ACAN: variants seen among roughly 807,000 people sequenced by gnomAD.
The protein encoded by ACAN is aggrecan, also known as aggrecan core protein.
Under a neutral mutation model 169.1 loss-of-function variants are expected in ACAN, and 47 were observed. The observed-to-expected ratio is 0.28, with a 90% CI of 0.22 to 0.35. The LOEUF (loss-of-function observed/expected upper bound fraction) is 0.35, where lower values mean the gene tolerates loss of function less well. ACAN is among the 10% of genes least tolerant of loss of function. ACAN has a pLI of 1.00. For missense variants in ACAN, 2,716 were observed against 2,759.9 expected, an observed-to-expected ratio of 0.98 and a Z score of 0.36; for synonymous variants, 1,115 against 1,112.2, an observed-to-expected ratio of 1.00 and a Z score of -0.05.
In ACAN at chr15:88,838,902, G is replaced by T. The variant is rs1596130863; in HGVS notation, c.310G>T (p.Val104Phe). The change falls in exon 3 of 19, where the codon GTC (valine) becomes TTC (phenylalanine). Residue 104 changes from valine (V) to phenylalanine (F), a missense_variant. Physicochemically the swap from Val to Phe is conservative, Grantham distance 50. Coordinates refer to ENST00000560601, the MANE Select transcript of ACAN (RefSeq NM_001369268.1). The surrounding 1 kb of genome is among the most constrained non-coding windows in gnomAD (Gnocchi z 5.1). ...VRVNSAYQDK[V>F]SLPNYPAIPS... ...GGTCAACAGTGCCTATCAGGACAAG[G>T]TCTCACTGCCCAACTACCCGGCCAT... 3.1e-6 allele frequency: 5 copies of T among 1,614,054 alleles called. No homozygotes were observed. Among genetic ancestry groups the T allele is most frequent in the Non-Finnish European group, 4.2e-6 (5 of 1,179,904 alleles).
rs1897274396 is a variant in ACAN at position 88,866,001 on chromosome 15, G to C, written c.6947-2215G>C. 6.6e-6 allele frequency among the ~76,000 whole-genome samples: 1 copy of C among 151,982 alleles called. No individual in the cohort carries two copies. The highest frequency in any genetic ancestry group is 1.5e-5 in the Non-Finnish European group (1 of 67,990). Reference sequence around the variant, plus strand: ...CTTTCCCTCCTCATCTGTAAATCCAGGGCCGTGAAAAAAAAAATTCTGAGC... The same window carrying C: ...CTTTCCCTCCTCATCTGTAAATCCACGGCCGTGAAAAAAAAAATTCTGAGC... On this transcript the variant is annotated intron_variant, in intron 13 of 18. Transcript: ENST00000560601. The surrounding 1 kb of genome is among the most constrained non-coding windows in gnomAD (Gnocchi z 5.6).
chr15:88,836,177 C>A, intron 1 of ACAN, 23 bp from the exon 2 acceptor site: 1 of 1,585,012 alleles, frequency 6.3e-7, no homozygotes, highest in Non-Finnish European at 8.7e-7. Context: ...GTCTAAATAA[C>A]GCCTCTGCCT....
chr15:88,821,778 A>G (rs1416468794), intron 1 of ACAN, among the ~76,000 whole-genome samples: 1 of 152,154 alleles, frequency 6.6e-6, no homozygotes, highest in African/African-American at 2.4e-5. Flanking sequence ...TACTGACCTC[A>G]TGGATCAGGG....
chr15:88,818,386 G>A (rs550847342), intron 1 of ACAN, among the ~76,000 whole-genome samples: 93 of 152,312 alleles, frequency 6.1e-4, no homozygotes, highest in Middle Eastern at 3.4e-3. Context: ...GTGTGCCATT[G>A]GGAGAAAGAA....
At position 88,847,415 on chromosome 15, in the gene ACAN, C is replaced by T; in HGVS notation, c.1602C>T (p.Val534=). ...CDAGWLRDQT[V]RYPIVSPRTP... ...CCGGCTGGCTGCGGGACCAGACCGT[C>T]AGGTGAAGCCATGCTCCTCGCCCAG... The change falls in exon 8 of 19, where the codon GTC becomes GTT. Residue 534 remains valine, a splice_region_variant and synonymous_variant. Transcript: ENST00000560601. 6.4e-7 allele frequency: 1 copy of T among 1,569,030 alleles called. No homozygotes were observed. The highest frequency in any genetic ancestry group is 1.2e-5 in the South Asian group (1 of 85,846).
At chr15:88,847,169 C>T (rs1896810460) in intron 7 of ACAN, 74 bp from the exon 8 acceptor site, 1 of 1,420,326 alleles carries the variant, frequency 7.0e-7, no homozygotes, top group Admixed American at 2.3e-5. Flanking sequence ...GTTGGCCCCC[C>T]TCTGTGCCCA....
intron 1 of ACAN, among the ~76,000 whole-genome samples, chr15:88,829,977 A>G (rs1459028543): frequency 6.6e-6 from 1 of 152,150 alleles, no homozygotes; most frequent in Non-Finnish European, 1.5e-5. Flanking sequence ...AGTGTGTAGA[A>G]AGTCATAGCT....
intron 1 of ACAN, among the ~76,000 whole-genome samples, chr15:88,826,497 G>A (rs1326218841): frequency 6.6e-6 from 1 of 151,454 alleles, no homozygotes; most frequent in Admixed American, 6.6e-5. Context: ...GGGAAAGCCA[G>A]GACTCAGAGC....
chr15:88,869,880 G>C lies in ACAN; in HGVS notation c.7061-1502G>C, dbSNP rs550639837. Among the ~76,000 whole-genome samples the C allele has an allele frequency of 6.6e-6, 1 of 152,170 alleles. No homozygotes were observed. Among genetic ancestry groups the C allele is most frequent in the Non-Finnish European group, 1.5e-5 (1 of 68,016 alleles). On this transcript the variant is annotated intron_variant, in intron 14 of 18. Coordinates refer to ENST00000560601, the MANE Select transcript of ACAN (RefSeq NM_001369268.1). This position sits in a 1 kb window ranked among gnomAD's most constrained non-coding sequence, Gnocchi z 4.2. ...TGTTTCTGTTTCCTAAGAATCTTCAGCCTGCACAGCCCTGCCCTCCCATAC... is the reference window on the plus strand; with the variant it reads ...TGTTTCTGTTTCCTAAGAATCTTCACCCTGCACAGCCCTGCCCTCCCATAC...
rs1414689813 is a variant in ACAN, at chr15:88,859,085, T to C, written c.6500T>C (p.Val2167Ala). Reference protein sequence around the residue: ...QEGEASAAPEVSGESTTTSDV... With the variant: ...QEGEASAAPEASGESTTTSDV... ...GGCGAGGCGTCCGCTGCCCCAGAAGTGAGTGGAGAATCCACCACCACCAGT... is the reference window on the plus strand; with the variant it reads ...GGCGAGGCGTCCGCTGCCCCAGAAGCGAGTGGAGAATCCACCACCACCAGT... The change falls in exon 12 of 19, where the codon GTG becomes GCG. Residue 2167 changes from valine to alanine, a missense_variant. Physicochemically the swap from Val to Ala is moderately conservative, Grantham distance 64. Coordinates refer to ENST00000560601, the MANE Select transcript of ACAN (RefSeq NM_001369268.1). 6.2e-7 allele frequency: 1 copy of C among 1,613,760 alleles called. No individual in the cohort carries two copies. The highest frequency in any genetic ancestry group is 1.3e-5 in the African/African-American group (1 of 74,926).
intron 1 of ACAN, among the ~76,000 whole-genome samples, chr15:88,811,823 G>A (rs2141493042): frequency 6.6e-6 from 1 of 152,248 alleles, no homozygotes; most frequent in South Asian, 2.1e-4. Context: ...CTGCTTGCAT[G>A]CTTGTCTCTG....
Position 88,868,389 on chromosome 15 carries a change from A to G in ACAN, c.7060+60A>G, listed in dbSNP as rs1045390781. The G allele has an allele frequency of 2.2e-5, 15 of 673,396 alleles. No homozygotes were observed. The highest frequency in any genetic ancestry group is 2.1e-4 in the African/African-American group (12 of 56,364). The allele number at this position is 673,396 out of a possible 1,614,324, so 41.7% of individuals were successfully genotyped here. ...CTGCTGCACCCCCTCCTCCTCCCTCACCTTTCCCTCCTAACAACAGGCTCC... is the reference window on the plus strand; with the variant it reads ...CTGCTGCACCCCCTCCTCCTCCCTCGCCTTTCCCTCCTAACAACAGGCTCC... On this transcript the variant is annotated intron_variant, in intron 14 of 18. Transcript: ENST00000560601. This position sits in a 1 kb window ranked among gnomAD's most constrained non-coding sequence, Gnocchi z 5.2.
intron 1 of ACAN, 146 bp downstream of exon 1, chr15:88,803,955 C>A (rs1432349129): frequency 1.3e-5 from 2 of 152,370 alleles, no homozygotes; most frequent in Admixed American, 6.5e-5. Context: ...CGCAGCACAT[C>A]CACCGGCTGC....
intron 13 of ACAN, among the ~76,000 whole-genome samples, chr15:88,862,857 G>T (rs1189885167): frequency 3.3e-5 from 5 of 152,080 alleles, no homozygotes; most frequent in Admixed American, 1.3e-4. Context: ...AATTAGCTTG[G>T]TGTGGTGGCG....
rs370912237 is a variant in ACAN at position 88,871,989 on chromosome 15, C to A, written c.7220-14C>A. 1.2e-6 allele frequency: 2 copies of A among 1,612,002 alleles called. No individual in the cohort carries two copies. Among genetic ancestry groups the A allele is most frequent in the Non-Finnish European group, 1.7e-6 (2 of 1,178,068 alleles). Reference sequence around the variant, plus strand: ...TGTCCAGTGTGATGCCTGACACCCTCACCCTTTCCCCAGACAATGCCCAAG... The same window carrying A: ...TGTCCAGTGTGATGCCTGACACCCTAACCCTTTCCCCAGACAATGCCCAAG... On this transcript the variant is annotated splice_polypyrimidine_tract_variant and intron_variant, in intron 15 of 18. Coordinates refer to ENST00000560601, the MANE Select transcript of ACAN (RefSeq NM_001369268.1). This position sits in a 1 kb window ranked among gnomAD's most constrained non-coding sequence, Gnocchi z 7.8.
rs1353163798 is a variant in ACAN at position 88,847,254 on chromosome 15, C to T, written c.1441C>T (p.His481Tyr). The part of the protein sequence containing the change: ...QPHLPGGVVF[H>Y]YRPGPTRYSL... ...TCCTCCCCACCCAGGGGTCGTCTTCCACTACCGCCCGGGACCCACCCGCTA... is the reference window on the plus strand; with the variant it reads ...TCCTCCCCACCCAGGGGTCGTCTTCTACTACCGCCCGGGACCCACCCGCTA... Residue 481 changes from histidine to tyrosine, a missense_variant, in exon 8 of 19, where the codon CAC becomes TAC. His to Tyr is a moderately conservative substitution (Grantham distance 83). Coordinates refer to ENST00000560601, the MANE Select transcript of ACAN (RefSeq NM_001369268.1). 6 of 1,549,470 alleles carry T rather than the reference C, an allele frequency of 3.9e-6. No individual in the cohort carries two copies. Among genetic ancestry groups the T allele is most frequent in the Non-Finnish European group, 4.4e-6 (5 of 1,146,232 alleles).
chr15:88,836,685 G>A (rs1386235809), intron 2 of ACAN, among the ~76,000 whole-genome samples: 2 of 152,240 alleles, frequency 1.3e-5, no homozygotes, highest in Non-Finnish European at 2.9e-5. Flanking sequence ...AAGGTCACTT[G>A]GGAGACAGCC....
chr15:88,827,852 A>G (rs1335744871), intron 1 of ACAN, among the ~76,000 whole-genome samples: 1 of 152,194 alleles, frequency 6.6e-6, no homozygotes, highest in East Asian at 1.9e-4. Context: ...GAGAGGTTAA[A>G]TAATTGAGCC....
chr15:88,858,069 G>T lies in ACAN; in HGVS notation c.5484G>T (p.Gly1828=), dbSNP rs373280545. 6.2e-7 allele frequency: 1 copy of T among 1,613,792 alleles called. No individual in the cohort carries two copies. The highest frequency in any genetic ancestry group is 8.5e-7 in the Non-Finnish European group (1 of 1,179,884). The change falls in exon 12 of 19, where the codon GGG becomes GGT. Residue 1828 remains glycine, a synonymous_variant. Transcript: ENST00000560601. This position sits in a 1 kb window ranked among gnomAD's most constrained non-coding sequence, Gnocchi z 4.0. ...GTTSGSGESS[G]ITFVDTSLVE... The stretch of plus-strand genomic sequence containing the variant: ...CGAGTGGCAGCGGTGAATCTTCTGG[G>T]ATTACATTTGTGGACACCAGTTTGG...
Sources: gnomAD v4.1 joint callset for allele counts (sites outside exome capture counted in the v4.1 genomes callset) on GRCh38, gnomAD v4.1.1 for gene constraint, Gnocchi (gnomAD v3.1) non-coding constraint, MANE v1.5 for transcripts, NCBI Gene and HGNC (gene_info 2026-07-23, HGNC 2026-07-21) for gene names.